PTPRD: variants seen among roughly 807,000 people sequenced by gnomAD.
PTPRD encodes the protein receptor-type tyrosine-protein phosphatase delta.
A neutral mutation model predicts 214.5 loss-of-function variants in PTPRD; 34 were observed. The ratio of observed to expected loss-of-function variants is 0.16; its 90% CI spans 0.12 to 0.21. The LOEUF is 0.21. Among genes scored for constraint, PTPRD ranks in the 10% least tolerant of loss-of-function variants. The pLI, the probability that PTPRD is intolerant of heterozygous loss-of-function variation, is 1.00. For missense variants in PTPRD, 2,545 were observed against 2,398.7 expected (o/e 1.06, Z -1.27); for synonymous variants, 1,128 against 845.7 (o/e 1.33, Z -5.79).
intron 5 of PTPRD, among the ~76,000 whole-genome samples, chr9:9,827,908 C>T (rs372313151): frequency 1.3e-5 from 2 of 152,124 alleles, no homozygotes; most frequent in Non-Finnish European, 2.9e-5. Context: ...AAAAAATGCT[C>T]ATCATCACTG....
At chr9:9,603,203 G>A (rs1299531126) in intron 7 of PTPRD, among the ~76,000 whole-genome samples, 1 of 152,054 alleles carries the variant, frequency 6.6e-6, no homozygotes. Context: ...GAACATATGT[G>A]GTCAGTTGCT....
intron 3 of PTPRD, among the ~76,000 whole-genome samples, chr9:10,339,411 A>G (rs938062200): frequency 2.6e-5 from 4 of 151,566 alleles, no homozygotes; most frequent in African/African-American, 9.7e-5. Context: ...CCTTCCCTTC[A>G]TCTGAAGTGC....
At chr9:9,281,440 T>C (rs1196276532) in intron 9 of PTPRD, among the ~76,000 whole-genome samples, 1 of 151,244 alleles carries the variant, frequency 6.6e-6, no homozygotes, top group African/African-American at 2.4e-5. Context: ...GACAAAATAC[T>C]TTAACACAGC....
intron 14 of PTPRD, among the ~76,000 whole-genome samples, chr9:8,545,752 T>C (rs1226383396): frequency 1.3e-5 from 2 of 152,206 alleles, no homozygotes; most frequent in East Asian, 3.8e-4. Context: ...TAAAAGGGCC[T>C]TTTAGCTTTA....
chr9:9,107,570 G>A (rs1449167686), intron 10 of PTPRD, among the ~76,000 whole-genome samples: 2 of 152,134 alleles, frequency 1.3e-5, no homozygotes, highest in Admixed American at 6.6e-5. Flanking sequence ...GCACACACAT[G>A]CACATACACA....
chr9:9,867,599 A>G (rs1018339649), intron 5 of PTPRD, among the ~76,000 whole-genome samples: 1 of 152,178 alleles, frequency 6.6e-6, no homozygotes, highest in East Asian at 1.9e-4. Context: ...AATAAAAAAT[A>G]AAAAGCTCTT....
At chr9:8,725,609 G>C (rs996456490) in intron 12 of PTPRD, among the ~76,000 whole-genome samples, 1 of 151,856 alleles carries the variant, frequency 6.6e-6, no homozygotes. Flanking sequence ...AAACTAATGA[G>C]AAAAAAAGGC....
chr9:8,981,959 C>A (rs1025287925), intron 11 of PTPRD, among the ~76,000 whole-genome samples: 1 of 151,866 alleles, frequency 6.6e-6, no homozygotes, highest in Non-Finnish European at 1.5e-5. Context: ...GATTTAATCT[C>A]GCCAGAGCAA....
intron 8 of PTPRD, among the ~76,000 whole-genome samples, chr9:9,548,502 G>A (rs1168450805): frequency 6.6e-6 from 1 of 150,400 alleles, no homozygotes; most frequent in African/African-American, 2.4e-5. Context: ...CCGCTTCCTG[G>A]GTTCAAGTGA....
chr9:10,154,032 T>C (rs183330421), intron 3 of PTPRD, among the ~76,000 whole-genome samples: 1 of 151,850 alleles, frequency 6.6e-6, no homozygotes, highest in African/African-American at 2.4e-5. Flanking sequence ...ATGGTAGTTC[T>C]GTTTTGAGAA....
At chr9:9,564,940 T>C (rs989990462) in intron 8 of PTPRD, among the ~76,000 whole-genome samples, 1 of 145,144 alleles carries the variant, frequency 6.9e-6, no homozygotes, top group Non-Finnish European at 1.5e-5. Flanking sequence ...TAACCTGTTA[T>C]GGGCTATGTA....
rs973189110 is a variant in PTPRD at position 10,613,001 on chromosome 9, T to C, written c.-1021A>G. 2.6e-4 allele frequency among the ~76,000 whole-genome samples: 40 copies of C among 151,212 alleles called. No homozygotes were observed. Among genetic ancestry groups the C allele is most frequent in the Non-Finnish European group, 5.0e-4 (34 of 67,686 alleles). On this transcript the variant is annotated 5_prime_UTR_variant, in exon 1 of 46. Coordinates refer to ENST00000381196, the MANE Select transcript of PTPRD (RefSeq NM_002839.4). ...CGCTCCCTCCTCGTCTCGCTCGCAC[T>C]CACAGGCACACACCCCACGTCTCCA...
chr9:9,779,861 A>C (rs369158354), intron 5 of PTPRD, among the ~76,000 whole-genome samples: 2 of 152,192 alleles, frequency 1.3e-5, no homozygotes, highest in South Asian at 4.1e-4. Flanking sequence ...TTTCTCAAAA[A>C]ACTTAAAATA....
At chr9:10,407,468 C>A (rs2098382677) in intron 2 of PTPRD, among the ~76,000 whole-genome samples, 1 of 151,452 alleles carries the variant, frequency 6.6e-6, no homozygotes, top group Non-Finnish European at 1.5e-5. Context: ...ATATATCCTA[C>A]CTACTAATAT....
intron 3 of PTPRD, among the ~76,000 whole-genome samples, chr9:10,270,537 G>T (rs2094358876): frequency 6.6e-6 from 1 of 152,162 alleles, no homozygotes; most frequent in Non-Finnish European, 1.5e-5. Context: ...TGAATAAGAT[G>T]TTAAATGCAG....
intron 39 of PTPRD, among the ~76,000 whole-genome samples, chr9:8,371,540 T>TA (rs2081527367): frequency 6.6e-6 from 1 of 151,962 alleles, no homozygotes; most frequent in Non-Finnish European, 1.5e-5. Flanking sequence ...GGAATAAGCT[T>TA]AAAATGTTTC....
At chr9:9,463,265 A>G (rs1021306319) in intron 8 of PTPRD, among the ~76,000 whole-genome samples, 3 of 152,198 alleles carry the variant, frequency 2.0e-5, no homozygotes, top group African/African-American at 4.8e-5. Flanking sequence ...CTTGAAGTTT[A>G]AATTTGGAAA....
intron 14 of PTPRD, among the ~76,000 whole-genome samples, chr9:8,585,172 A>C (rs1463727888): frequency 6.6e-6 from 1 of 152,228 alleles, no homozygotes; most frequent in Non-Finnish European, 1.5e-5. Flanking sequence ...AGATCTTCAA[A>C]TATGAAATAT....
chr9:9,853,506 A>G (rs2060940768), intron 5 of PTPRD, among the ~76,000 whole-genome samples: 1 of 152,000 alleles, frequency 6.6e-6, no homozygotes, highest in African/African-American at 2.4e-5. Context: ...GGCTTATGCA[A>G]CTGTGTATTA....
Sources: gnomAD v4.1 joint callset for allele counts (sites outside exome capture counted in the v4.1 genomes callset) on GRCh38, gnomAD v4.1.1 for gene constraint, MANE v1.5 for transcripts, NCBI Gene and HGNC (gene_info 2026-07-23, HGNC 2026-07-21) for gene names.